The following SEL1L3 variants were observed in gnomAD, a reference collection of about 807,000 sequenced individuals.
The protein encoded by SEL1L3 is protein sel-1 homolog 3.
A neutral mutation model predicts 142.8 loss-of-function variants in SEL1L3; 76 were observed. The ratio of observed to expected loss-of-function variants is 0.53; its 90% CI spans 0.44 to 0.64. The LOEUF is 0.64. Ranked by LOEUF, SEL1L3 falls within the 30% of genes least tolerant of loss-of-function variation. SEL1L3 has a pLI of 0.00. For synonymous variants in SEL1L3, 504 were observed against 519.6 expected, an observed-to-expected ratio of 0.97 and a Z score of 0.41; for missense variants, 1,262 against 1,381.7, an observed-to-expected ratio of 0.91 and a Z score of 1.37.
At chr4:25,782,219 A>G in intron 15 of SEL1L3, 23 bp downstream of exon 15, 1 of 1,605,216 alleles carries the variant, frequency 6.2e-7, no homozygotes, top group Non-Finnish European at 8.5e-7. Context: ...CTAGTTGCAG[A>G]GTGGGTCTCA....
At chr4:25,826,360 G>A (rs1039274182) in intron 6 of SEL1L3, among the ~76,000 whole-genome samples, 1 of 152,190 alleles carries the variant, frequency 6.6e-6, no homozygotes, top group Non-Finnish European at 1.5e-5. Context: ...CAGTCATTAT[G>A]TTTACGTTAC....
At chr4:25,732,750 G>C in the SEL1L3 span, among the ~76,000 whole-genome samples, 3 of 151,758 alleles carry the variant, frequency 2.0e-5, no homozygotes, top group African/African-American at 4.8e-5. Flanking sequence ...GTGTGTGGTG[G>C]GGAGTCGGAC....
chr4:25,824,101 T>C (rs1714941585), intron 6 of SEL1L3, among the ~76,000 whole-genome samples: 1 of 152,212 alleles, frequency 6.6e-6, no homozygotes, highest in Non-Finnish European at 1.5e-5. Flanking sequence ...ACTGTGAAGA[T>C]GATGGTCTCT....
chr4:25,767,862 AT>A, intron 17 of SEL1L3, 32 bp from the exon 18 acceptor site: 1 of 1,289,462 alleles, frequency 7.8e-7, no homozygotes, highest in Non-Finnish European at 1.1e-6. Context: ...TAAATTTCAT[AT>A]AGTGGCTCTT....
At chr4:25,731,683 A>G in the SEL1L3 span, among the ~76,000 whole-genome samples, 1 of 152,190 alleles carries the variant, frequency 6.6e-6, no homozygotes, top group Non-Finnish European at 1.5e-5. Flanking sequence ...TTATTGCTGA[A>G]TAATATGCCA....
intron 1 of SEL1L3, 39 bp downstream of exon 1, chr4:25,862,636 C>T: frequency 8.5e-7 from 1 of 1,178,822 alleles, no homozygotes; most frequent in South Asian, 3.5e-5. Flanking sequence ...CCCGGGGCCC[C>T]GCGCGGAGGG....
At chr4:25,749,332 C>G (rs1176199858) in intron 23 of SEL1L3, among the ~76,000 whole-genome samples, 2 of 151,568 alleles carry the variant, frequency 1.3e-5, no homozygotes, top group Non-Finnish European at 2.9e-5. Flanking sequence ...TTTAAATCAC[C>G]ATGGTAACAA....
chr4:25,781,511 G>A (rs1267842295), intron 15 of SEL1L3, among the ~76,000 whole-genome samples: 4 of 152,230 alleles, frequency 2.6e-5, no homozygotes, highest in African/African-American at 2.4e-5. Flanking sequence ...GGTGGTGCAC[G>A]CCTGTAATCC....
At chr4:25,722,722 G>A in the SEL1L3 span, among the ~76,000 whole-genome samples, 5 of 149,626 alleles carry the variant, frequency 3.3e-5, no homozygotes, top group Admixed American at 3.4e-4. Context: ...ATCCCAAAAT[G>A]CTGGGATTAC....
At chr4:25,761,224 C>T (rs1168347285) in intron 20 of SEL1L3, among the ~76,000 whole-genome samples, 1 of 149,824 alleles carries the variant, frequency 6.7e-6, no homozygotes, top group African/African-American at 2.5e-5. Flanking sequence ...GGTGTGATCT[C>T]GGCTCAGTGC....
At chr4:25,858,599 T>C (rs2109327644) in intron 1 of SEL1L3, among the ~76,000 whole-genome samples, 1 of 152,218 alleles carries the variant, frequency 6.6e-6, no homozygotes, top group African/African-American at 2.4e-5. Context: ...TTTGTTTGTT[T>C]GTTTTGAGAC....
At chr4:25,749,140 A>G (rs1185738154) in intron 23 of SEL1L3, among the ~76,000 whole-genome samples, 1 of 152,166 alleles carries the variant, frequency 6.6e-6, no homozygotes, top group African/African-American at 2.4e-5. Context: ...ATAGGTACAG[A>G]TGGCAGACAT....
intron 2 of SEL1L3, among the ~76,000 whole-genome samples, chr4:25,842,955 G>A (rs1716264868): frequency 6.6e-6 from 1 of 152,222 alleles, no homozygotes; most frequent in South Asian, 2.1e-4. Flanking sequence ...TAAGGAGATG[G>A]CATTGGAGCA....
chr4:25,737,890 C>CTTTTTTTTTTT, the SEL1L3 span, among the ~76,000 whole-genome samples: 1 of 150,954 alleles, frequency 6.6e-6, no homozygotes, highest in Non-Finnish European at 1.5e-5. Context: ...ATACAGTTGC[C>CTTTTTTTTTTT]TTTTTTTTTG....
chr4:25,720,499 A>G, the SEL1L3 span: 1 of 152,194 alleles, frequency 6.6e-6, no homozygotes. Context: ...GGTACTGTTT[A>G]TGCTAAAAGA....
chr4:25,765,140 G>A lies in SEL1L3; in HGVS notation c.2955+186C>T, dbSNP rs185591879. ...CTCCCAAGTAGCTGGGACTACAGGC[G>A]AGCACCACCACACCCAGCTAATTTT... On this transcript the variant is annotated intron_variant, in intron 20 of 23. Transcript: ENST00000399878. Among the ~76,000 whole-genome samples, 308 of 152,132 alleles carry A rather than the reference G, an allele frequency of 2.0e-3. 1 individual carries two copies. The highest frequency in any genetic ancestry group is 6.8e-3 in the African/African-American group (281 of 41,492).
the SEL1L3 span, chr4:25,720,415 T>A: frequency 6.6e-6 from 1 of 152,142 alleles, no homozygotes; most frequent in Non-Finnish European, 1.5e-5. Context: ...CAGTGAGGTG[T>A]CGGTTACTAG....
At chr4:25,808,511 A>G (rs555091008) in intron 9 of SEL1L3, among the ~76,000 whole-genome samples, 2 of 152,350 alleles carry the variant, frequency 1.3e-5, no homozygotes, top group Non-Finnish European at 2.9e-5. Context: ...ATTCAGGAGC[A>G]GAAAGGCACC....
chr4:25,787,074 G>A (rs980926838), intron 13 of SEL1L3, among the ~76,000 whole-genome samples: 1 of 152,182 alleles, frequency 6.6e-6, no homozygotes, highest in African/African-American at 2.4e-5. Context: ...ATGAATTGAT[G>A]TCTCTGTATT....
Sources: gnomAD v4.1 joint callset for allele counts (sites outside exome capture counted in the v4.1 genomes callset) on GRCh38, gnomAD v4.1.1 for gene constraint, MANE v1.5 for transcripts, NCBI Gene and HGNC (gene_info 2026-07-23, HGNC 2026-07-21) for gene names.